Variants in CNGA3 observed in about 807,000 individuals in gnomAD.
CNGA3 encodes the protein cyclic nucleotide gated channel subunit alpha 3.
A neutral mutation model predicts 46.6 loss-of-function variants in CNGA3; 42 were observed. That is an observed-to-expected ratio of 0.90 (90% CI 0.70 to 1.17). The LOEUF is 1.17. Ranked by LOEUF, CNGA3 falls within the 50% of genes most tolerant of loss-of-function variation. The probability of loss-of-function intolerance (pLI) is 0.00; values close to 1 mark genes in which losing one functional copy is unlikely to be tolerated. For missense variants in CNGA3, 893 were observed against 890.7 expected (o/e 1.00, Z -0.03); for synonymous variants, 394 against 369.4 (o/e 1.07, Z -0.76).
chr2:98,347,286 G>C (rs1456303697), intron 1 of CNGA3: 1 of 152,250 alleles, frequency 6.6e-6, no homozygotes, highest in African/African-American at 2.4e-5. Flanking sequence ...CTTAGTGCTC[G>C]GTGATGGAGG....
At position 98,397,321 on chromosome 2, in the gene CNGA3, G is replaced by A; in HGVS notation, c.*66G>A. ...AGGGTGACCGTATGTGGCCGCAGCT[G>A]TGTGGCATGGAACTTGGTCAGGGTT... On this transcript the variant is annotated 3_prime_UTR_variant, in exon 8 of 8. Transcript: ENST00000272602. 1 of 1,510,548 alleles carries A rather than the reference G, an allele frequency of 6.6e-7. No individual in the cohort carries two copies. The highest frequency in any genetic ancestry group is 9.1e-7 in the Non-Finnish European group (1 of 1,096,090). The allele number at this position is 1,510,548 out of a possible 1,614,324, so 93.6% of individuals were successfully genotyped here.
At position 98,377,690 on chromosome 2, in the gene CNGA3, CCACT is replaced by C. The variant is rs749036398; in HGVS notation, c.107_110del (p.His36ArgfsTer136). On this transcript the variant is annotated frameshift_variant, in exon 3 of 8. Coordinates refer to ENST00000272602, the MANE Select transcript of CNGA3 (RefSeq NM_001298.3). LOFTEE classifies it high-confidence loss of function. ...TGCTGCATATCTGATTTCCTAGAGC[CCACT>C]CGTCAAGTGAGGAGACATCGTCAGT... The C allele has an allele frequency of 1.7e-5, 28 of 1,612,948 alleles. No homozygotes were observed. The highest frequency in any genetic ancestry group is 2.3e-5 in the Non-Finnish European group (27 of 1,179,814).
chr2:98,389,286 A>G (rs1692728484), intron 5 of CNGA3, among the ~76,000 whole-genome samples: 1 of 152,198 alleles, frequency 6.6e-6, no homozygotes, highest in African/African-American at 2.4e-5. Flanking sequence ...GGCCCTGGGA[A>G]TCAGAATTTT....
intron 7 of CNGA3, 21 bp from the exon 8 acceptor site, chr2:98,395,823 G>A (rs2104245147): frequency 6.2e-7 from 1 of 1,612,030 alleles, no homozygotes; most frequent in Middle Eastern, 1.7e-4. Flanking sequence ...GATGCCCAAT[G>A]ACCTCCATCT....
chr2:98,390,986 C>G (rs1558817569), intron 6 of CNGA3, among the ~76,000 whole-genome samples: 1 of 152,210 alleles, frequency 6.6e-6, no homozygotes, highest in Non-Finnish European at 1.5e-5. Context: ...GAGGCAAGTC[C>G]TGCCTGTCCT....
chr2:98,367,454 A>G (rs762717847), intron 1 of CNGA3, among the ~76,000 whole-genome samples: 1 of 151,916 alleles, frequency 6.6e-6, no homozygotes, highest in Non-Finnish European at 1.5e-5. Context: ...TCGGCCTCCC[A>G]AAGTGCGGGG....
chr2:98,352,169 C>T (rs1397938498), intron 1 of CNGA3, among the ~76,000 whole-genome samples: 1 of 152,162 alleles, frequency 6.6e-6, no homozygotes, highest in African/African-American at 2.4e-5. Context: ...AGGGTTCACC[C>T]ATGTTGTAGC....
rs767154580 is a variant in CNGA3 at position 98,382,616 on chromosome 2, C to A, written c.396-772C>A. 4.4e-4 allele frequency among the ~76,000 whole-genome samples: 67 copies of A among 152,182 alleles called. 2 individuals are homozygous for A. The highest frequency in any genetic ancestry group is 1.6e-4 in the Non-Finnish European group (11 of 68,042). ...CCTATGAGGGGTCTGCAGTGCCCTG[C>A]GAGGCCGCATGGCTTTTTTAACCCA... On this transcript the variant is annotated intron_variant, in intron 4 of 7. Transcript: ENST00000272602.
At chr2:98,367,185 C>CTTTTTTTTTTTTT (rs558997785) in intron 1 of CNGA3, among the ~76,000 whole-genome samples, 3 of 95,204 alleles carry the variant, frequency 3.2e-5, no homozygotes, top group African/African-American at 8.0e-5. Flanking sequence ...TCTTTTTTTT[C>CTTTTTTTTTTTTT]TTTTTTTTTT....
Position 98,394,861 on chromosome 2 carries a change from G to C in CNGA3, c.674-983G>C, listed in dbSNP as rs1040324178. 3.3e-5 allele frequency among the ~76,000 whole-genome samples: 5 copies of C among 152,262 alleles called. No individual in the cohort carries two copies. In the East Asian group the frequency reaches 5.8e-4, roughly 18 times the overall value. ...ATTTCACATGCTTACTTTATCTTAC[G>C]TAAAATGTAGTTTGCATAATTTACT... On this transcript the variant is annotated intron_variant, in intron 7 of 7. Coordinates refer to ENST00000272602, the MANE Select transcript of CNGA3 (RefSeq NM_001298.3).
intron 2 of CNGA3, 43 bp from the exon 3 acceptor site, chr2:98,377,644 G>A: frequency 1.3e-6 from 2 of 1,555,696 alleles, no homozygotes; most frequent in Non-Finnish European, 1.8e-6. Flanking sequence ...GGAGGTAGAT[G>A]GGCTTGAAAT....
chr2:98,349,846 G>C (rs1056359405), intron 1 of CNGA3, among the ~76,000 whole-genome samples: 1 of 152,188 alleles, frequency 6.6e-6, no homozygotes, highest in African/African-American at 2.4e-5. Flanking sequence ...AAGGGAGAGG[G>C]AGGAGTGAAA....
At chr2:98,381,509 A>C (rs1692537145) in intron 4 of CNGA3, among the ~76,000 whole-genome samples, 6 of 152,110 alleles carry the variant, frequency 3.9e-5, no homozygotes, top group Admixed American at 3.9e-4. Flanking sequence ...TTTTCATTCC[A>C]TATTTGTATG....
Position 98,397,070 on chromosome 2 carries a change from G to T in CNGA3, c.1900G>T (p.Gly634Trp). 1 of 1,614,088 alleles carries T rather than the reference G, an allele frequency of 6.2e-7. No individual in the cohort carries two copies. Among genetic ancestry groups the T allele is most frequent in the Non-Finnish European group, 8.5e-7 (1 of 1,180,012 alleles). Residue 634 changes from glycine to tryptophan, a missense_variant, in exon 8 of 8, where the codon GGG becomes TGG. By Grantham distance (184) the Gly-to-Trp change is radical (BLOSUM62 -2). Around this residue, in one of 3 missense-constraint regions of CNGA3, gnomAD observed 548 missense variants for 570.8 expected, o/e 0.96. Coordinates refer to ENST00000272602, the MANE Select transcript of CNGA3 (RefSeq NM_001298.3). ...KDLEEKVEQLGSSLDTLQTRF... is the reference protein window; with the variant it reads ...KDLEEKVEQLWSSLDTLQTRF... ...CCTTGAGGAGAAAGTGGAGCAGCTG[G>T]GGTCCTCCCTGGACACCCTGCAGAC... is the stretch of plus-strand genomic sequence containing the variant.
At chr2:98,382,271 C>A (rs1369708822) in intron 4 of CNGA3, among the ~76,000 whole-genome samples, 1 of 152,214 alleles carries the variant, frequency 6.6e-6, no homozygotes, top group African/African-American at 2.4e-5. Flanking sequence ...GGTCCTAGTT[C>A]TCCTGTGTGG....
chr2:98,375,849 G>T (rs149388760), intron 2 of CNGA3, among the ~76,000 whole-genome samples: 2 of 151,906 alleles, frequency 1.3e-5, no homozygotes, highest in Non-Finnish European at 2.9e-5. Flanking sequence ...TTGGAATCTC[G>T]GCTGTACCAC....
intron 1 of CNGA3, among the ~76,000 whole-genome samples, chr2:98,363,909 G>GT (rs1443273832): frequency 6.6e-6 from 1 of 152,150 alleles, no homozygotes; most frequent in Non-Finnish European, 1.5e-5. Context: ...GTCTCCCGCT[G>GT]TTATTGTGTG....
chr2:98,371,840 G>T (rs992935422), intron 2 of CNGA3, among the ~76,000 whole-genome samples: 1 of 152,170 alleles, frequency 6.6e-6, no homozygotes, highest in Non-Finnish European at 1.5e-5. Flanking sequence ...AGAGAGGGTC[G>T]GGCATCAGGG....
Position 98,397,248 on chromosome 2 carries a change from AAC to A in CNGA3, c.2080_2081del (p.Gln694ValfsTer17), listed in dbSNP as rs757901022. Reference sequence around the variant, plus strand: ...GATGCTACAAAAACAGAGGACAAACAACAGTGAAAATGCAGCATCTGTCTCCT... The same window carrying A: ...GATGCTACAAAAACAGAGGACAAACAAGTGAAAATGCAGCATCTGTCTCCT... On this transcript the variant is annotated frameshift_variant, in exon 8 of 8. Coordinates refer to ENST00000272602, the MANE Select transcript of CNGA3 (RefSeq NM_001298.3). LOFTEE classifies it high-confidence loss of function. 12 of 1,613,622 alleles carry A rather than the reference AAC, an allele frequency of 7.4e-6. No homozygotes were observed. The South Asian group carries it at 1.3e-4, about 18-fold the overall frequency.
Sources: gnomAD v4.1 joint callset for allele counts (sites outside exome capture counted in the v4.1 genomes callset) on GRCh38, gnomAD v4.1.1 for gene constraint, gnomAD v4.1.1 regional missense constraint, MANE v1.5 for transcripts, NCBI Gene and HGNC (gene_info 2026-07-23, HGNC 2026-07-21) for gene names.